Variants in ADIPOR2 observed in about 807,000 individuals in gnomAD.
ADIPOR2 encodes the protein adiponectin receptor protein 2.
A neutral mutation model predicts 40.9 loss-of-function variants in ADIPOR2; 18 were observed. The observed-to-expected ratio is 0.44, with a 90% confidence interval of 0.30 to 0.65. The LOEUF (loss-of-function observed/expected upper bound fraction) is 0.65, where lower values mean the gene tolerates loss of function less well. Among genes scored for constraint, ADIPOR2 ranks in the 30% least tolerant of loss-of-function variants. The probability of loss-of-function intolerance (pLI) is 0.09; values close to 1 mark genes in which losing one functional copy is unlikely to be tolerated. For missense variants in ADIPOR2, 283 were observed against 479.2 expected, an observed-to-expected ratio of 0.59 and a Z score of 3.82; for synonymous variants, 165 against 166.4, an observed-to-expected ratio of 0.99 and a Z score of 0.06.
chr12:1,723,563 G>C (rs1336733027), intron 1 of ADIPOR2, among the ~76,000 whole-genome samples: 1 of 151,770 alleles, frequency 6.6e-6, no homozygotes, highest in African/African-American at 2.4e-5. Flanking sequence ...ATTGCTTGAA[G>C]CGAGAGGTGG....
intron 1 of ADIPOR2, among the ~76,000 whole-genome samples, chr12:1,748,282 T>C (rs950080063): frequency 7.9e-5 from 12 of 152,184 alleles, no homozygotes; most frequent in Admixed American, 1.3e-4. Flanking sequence ...GGAGTCTCTC[T>C]CTGTCGCCCA....
intron 1 of ADIPOR2, among the ~76,000 whole-genome samples, chr12:1,750,050 C>G (rs2094765640): frequency 6.6e-6 from 1 of 151,642 alleles, no homozygotes; most frequent in South Asian, 2.1e-4. Context: ...CCAGGCTGGT[C>G]TCAAACTCCT....
chr12:1,763,319 G>A (rs1009861468), intron 2 of ADIPOR2, among the ~76,000 whole-genome samples: 2 of 152,178 alleles, frequency 1.3e-5, no homozygotes, highest in African/African-American at 2.4e-5. Flanking sequence ...GTTCCAGACC[G>A]GTAGGAATTA....
In ADIPOR2 at chr12:1,772,838, G is replaced by A; in HGVS notation, c.172-4G>A. 2 of 1,606,814 alleles carry A rather than the reference G, an allele frequency of 1.2e-6. No individual in the cohort carries two copies. The highest frequency in any genetic ancestry group is 1.7e-4 in the Middle Eastern group (1 of 6,034). On this transcript the variant is annotated splice_polypyrimidine_tract_variant and splice_region_variant and intron_variant, in intron 2 of 7. Transcript: ENST00000357103. ...CCTTGACTGTTTCTGTGATTGCCTT[G>A]CAGAGCTCTGAGGAACATGAATACA...
At chr12:1,784,180 G>A (rs1862784065) in intron 7 of ADIPOR2, 107 bp downstream of exon 7, 1 of 1,254,850 alleles carries the variant, frequency 8.0e-7, no homozygotes, top group Non-Finnish European at 1.1e-6. Context: ...CAGGAGAGTT[G>A]TATCCTGGTC....
intron 1 of ADIPOR2, among the ~76,000 whole-genome samples, chr12:1,695,189 T>A (rs2094635901): frequency 6.6e-6 from 1 of 151,942 alleles, no homozygotes; most frequent in Non-Finnish European, 1.5e-5. Context: ...CCGAGAGTTA[T>A]TTTTTACAAA....
At chr12:1,747,822 G>A (rs751803327) in intron 1 of ADIPOR2, among the ~76,000 whole-genome samples, 1 of 152,042 alleles carries the variant, frequency 6.6e-6, no homozygotes, top group Non-Finnish European at 1.5e-5. Flanking sequence ...AAAATAATGA[G>A]TCGTTTGGTT....
chr12:1,780,113 A>T (rs1862684594), intron 4 of ADIPOR2: 1 of 180,950 alleles, frequency 5.5e-6, no homozygotes, highest in African/African-American at 2.4e-5. Context: ...ATGTGCCAAA[A>T]ACTGTATAAA....
In ADIPOR2 at chr12:1,780,759, AATT is replaced by A. The variant is rs1862700608; in HGVS notation, c.650+124_650+126del. On this transcript the variant is annotated intron_variant, in intron 5 of 7. Transcript: ENST00000357103. ...TCATGCAAACTTTTTTTTTTTTAAA[AATT>A]AAAGAGCAACCCAGTTTGGCTCTTA... 7 of 1,374,622 alleles carry A rather than the reference AATT, an allele frequency of 5.1e-6. No homozygotes were observed. The Admixed American group carries it at 1.8e-4, about 36-fold the overall frequency. 85.2% of individuals were successfully genotyped at this position (1,374,622 alleles called of 1,614,324 possible).
intron 1 of ADIPOR2, among the ~76,000 whole-genome samples, chr12:1,744,573 G>C (rs1462000317): frequency 1.3e-5 from 2 of 152,142 alleles, no homozygotes; most frequent in Admixed American, 6.5e-5. Context: ...CTGACCTCAA[G>C]TGATCCACCT....
chr12:1,696,801 A>G (rs2094640001), intron 1 of ADIPOR2: 1 of 153,592 alleles, frequency 6.5e-6, no homozygotes, highest in South Asian at 2.1e-4. Flanking sequence ...AGTAGACAGC[A>G]TCATATTCTT....
chr12:1,692,925 C>T (rs1010926448), intron 1 of ADIPOR2, among the ~76,000 whole-genome samples: 4 of 152,034 alleles, frequency 2.6e-5, no homozygotes, highest in African/African-American at 7.2e-5. Flanking sequence ...GAGGTCGAGG[C>T]GGGCAGATAA....
chr12:1,720,931 C>T (rs1223970585), intron 1 of ADIPOR2, among the ~76,000 whole-genome samples: 1 of 152,174 alleles, frequency 6.6e-6, no homozygotes, highest in Admixed American at 6.5e-5. Context: ...TGATTGCCTC[C>T]CTTGGAAAGG....
At chr12:1,773,281 G>A (rs1398920261) in intron 3 of ADIPOR2, among the ~76,000 whole-genome samples, 4 of 152,196 alleles carry the variant, frequency 2.6e-5, no homozygotes, top group African/African-American at 4.8e-5. Context: ...AGTGGTTGAC[G>A]CCTGGAGATA....
intron 1 of ADIPOR2, among the ~76,000 whole-genome samples, chr12:1,702,297 C>T (rs1055162504): frequency 1.3e-5 from 2 of 151,958 alleles, no homozygotes; most frequent in African/African-American, 4.8e-5. Flanking sequence ...GAAATGAAGC[C>T]CTCTATGGTG....
At chr12:1,698,422 A>C (rs928447662) in intron 1 of ADIPOR2, among the ~76,000 whole-genome samples, 1 of 152,068 alleles carries the variant, frequency 6.6e-6, no homozygotes, top group Non-Finnish European at 1.5e-5. Flanking sequence ...AGGTTTTGCC[A>C]TGTTGCCCAG....
At chr12:1,704,965 A>G (rs1375127828) in intron 1 of ADIPOR2, among the ~76,000 whole-genome samples, 2 of 152,226 alleles carry the variant, frequency 1.3e-5, no homozygotes, top group Non-Finnish European at 2.9e-5. Flanking sequence ...AAAATTGAGA[A>G]AGATAATTAA....
At chr12:1,764,824 A>G (rs755935901) in intron 2 of ADIPOR2, among the ~76,000 whole-genome samples, 8 of 152,306 alleles carry the variant, frequency 5.3e-5, no homozygotes, top group Non-Finnish European at 1.0e-4. Flanking sequence ...TCTTTTGCTC[A>G]GTATGATGTT....
At chr12:1,716,669 T>C (rs1443410057) in intron 1 of ADIPOR2, among the ~76,000 whole-genome samples, 2 of 152,260 alleles carry the variant, frequency 1.3e-5, no homozygotes, top group African/African-American at 4.8e-5. Context: ...AGAAGATGCA[T>C]CTGGTTTTGC....
Sources: allele counts gnomAD v4.1 joint callset (sites outside exome capture counted in the v4.1 genomes callset), GRCh38; gene constraint gnomAD v4.1.1; transcripts MANE v1.5; gene names NCBI Gene and HGNC (gene_info 2026-07-23, HGNC 2026-07-21).